TFDP2: variants seen among roughly 807,000 people sequenced by gnomAD.
TFDP2 encodes transcription factor Dp-2 (E2F dimerization partner 2).
TFDP2 carries 17 observed loss-of-function variants against 59.3 expected under a neutral mutation model. That is an observed-to-expected ratio of 0.29 (90% CI 0.20 to 0.43). The LOEUF (loss-of-function observed/expected upper bound fraction) is 0.43, where lower values mean the gene tolerates loss of function less well. TFDP2 is among the 20% of genes least tolerant of loss of function. The pLI is 1.00. For missense variants in TFDP2, 391 were observed against 528.8 expected (o/e 0.74, Z 2.56); for synonymous variants, 180 against 194.7 (o/e 0.92, Z 0.63).
chr3:142,149,009 C>G (rs2063285693), intron 1 of TFDP2, among the ~76,000 whole-genome samples, 174 bp downstream of exon 1: 1 of 152,200 alleles, frequency 6.6e-6, no homozygotes, highest in African/African-American at 2.4e-5. Context: ...CGACTCTGGC[C>G]CAGACACTCA....
intron 3 of TFDP2, among the ~76,000 whole-genome samples, chr3:142,070,158 C>T (rs2060198635): frequency 2.0e-5 from 3 of 152,196 alleles, no homozygotes; most frequent in Non-Finnish European, 2.9e-5. Flanking sequence ...CTGCCCATCT[C>T]GGCCTCCCAA....
Position 142,132,706 on chromosome 3 carries a change from C to T in TFDP2, c.-93+16477G>A, listed in dbSNP as rs1024668506. 2.2e-4 allele frequency among the ~76,000 whole-genome samples: 32 copies of T among 144,550 alleles called. 6 individuals carry two copies. Among genetic ancestry groups the T allele is most frequent in the African/African-American group, 8.7e-4 (32 of 36,646 alleles). 94.8% of individuals were successfully genotyped at this position (144,550 alleles called of 152,430 possible). On this transcript the variant is annotated intron_variant, in intron 1 of 12. Transcript: ENST00000489671. Reference sequence around the variant, plus strand: ...GTTGCAGTGAGCCAAGATCACACCACTGCACTTCAGCCTGGGCAACAGATT... The same window carrying T: ...GTTGCAGTGAGCCAAGATCACACCATTGCACTTCAGCCTGGGCAACAGATT...
intron 1 of TFDP2, among the ~76,000 whole-genome samples, chr3:142,109,435 C>T (rs1034650780): frequency 2.0e-5 from 3 of 149,700 alleles, no homozygotes; most frequent in African/African-American, 7.6e-5. Flanking sequence ...TTCAAGCGAT[C>T]CTCCTGCCTC....
intron 1 of TFDP2, among the ~76,000 whole-genome samples, chr3:142,117,348 C>T (rs947838278): frequency 6.6e-6 from 1 of 151,692 alleles, no homozygotes. Flanking sequence ...CACAAAGGAT[C>T]TAGGCCATCA....
intron 7 of TFDP2, among the ~76,000 whole-genome samples, chr3:141,974,450 T>C (rs1419965258): frequency 6.6e-6 from 1 of 152,170 alleles, no homozygotes; most frequent in Non-Finnish European, 1.5e-5. Context: ...CCTGCAGATC[T>C]ACACTGAAAT....
intron 4 of TFDP2, among the ~76,000 whole-genome samples, chr3:142,003,328 C>T (rs1464997885): frequency 1.3e-5 from 2 of 151,920 alleles, no homozygotes; most frequent in Non-Finnish European, 2.9e-5. Context: ...AGATGGGTTT[C>T]ACCATGTTGA....
chr3:142,048,133 A>T lies in TFDP2; in HGVS notation c.83-42589T>A, dbSNP rs138187984. ...TAGCATAAAGAGGTGCTCTGAGATT[A>T]GCTGGGTGTGGTGGCTCACACCTGT... On this transcript the variant is annotated intron_variant, in intron 3 of 12. Coordinates refer to ENST00000489671, the MANE Select transcript of TFDP2 (RefSeq NM_001178139.2). Among the ~76,000 whole-genome samples the T allele has an allele frequency of 1.2e-4, 19 of 152,246 alleles. No individual in the cohort carries two copies. The East Asian group carries it at 3.7e-3, about 29-fold the overall frequency.
chr3:142,042,762 C>T (rs1231327515), intron 3 of TFDP2, among the ~76,000 whole-genome samples: 2 of 86,652 alleles, frequency 2.3e-5, no homozygotes, highest in Admixed American at 1.4e-4. Context: ...TTTTTTGAGA[C>T]GGAGTTTCGC....
At chr3:142,009,666 C>T (rs1282274319) in intron 3 of TFDP2, among the ~76,000 whole-genome samples, 12 of 149,694 alleles carry the variant, frequency 8.0e-5, no homozygotes, top group Admixed American at 1.3e-4. Context: ...GCCAAGATAG[C>T]GCCACTGCAC....
At chr3:142,089,965 T>C (rs1254121591) in intron 3 of TFDP2, among the ~76,000 whole-genome samples, 1 of 152,176 alleles carries the variant, frequency 6.6e-6, no homozygotes, top group Non-Finnish European at 1.5e-5. Context: ...ATATCATTGC[T>C]ACATCATCAT....
Position 141,949,739 on chromosome 3 carries a change from CTG to C in TFDP2, c.*2772_*2773del, listed in dbSNP as rs1464999833. ...TGCCAGCAGCCCTGGGAGGAGTGAT[CTG>C]TGTGTGGCAAGTAACCCAGCGTGCC... On this transcript the variant is annotated 3_prime_UTR_variant, in exon 13 of 13. Coordinates refer to ENST00000489671, the MANE Select transcript of TFDP2 (RefSeq NM_001178139.2). The C allele has an allele frequency of 1.3e-5, 2 of 151,002 alleles. No homozygotes were observed. The highest frequency in any genetic ancestry group is 4.2e-4 in the South Asian group (2 of 4,774). 9.4% of individuals were successfully genotyped at this position (151,002 alleles called of 1,614,324 possible).
Position 142,149,467 on chromosome 3 carries a change from T to G in TFDP2, c.-377A>C. On this transcript the variant is annotated 5_prime_UTR_variant, in exon 1 of 13. Transcript: ENST00000489671. ...GCGCCGCAGCCGAGATCGCTACCGA[T>G]TTCGTCCGCCCTCTCCCTGCCCAGC... 2 of 367,458 alleles carry G rather than the reference T, an allele frequency of 5.4e-6. No individual in the cohort carries two copies. The highest frequency in any genetic ancestry group is 4.8e-6 in the Non-Finnish European group (1 of 206,740). 22.8% of individuals were successfully genotyped at this position (367,458 alleles called of 1,614,324 possible). A position where few individuals can be genotyped will look rare whatever the true frequency, so the allele number is the denominator to read the frequency against.
At chr3:142,077,645 G>A (rs1402518662) in intron 3 of TFDP2, among the ~76,000 whole-genome samples, 2 of 152,076 alleles carry the variant, frequency 1.3e-5, no homozygotes, top group Non-Finnish European at 2.9e-5. Flanking sequence ...GCTGACTAAA[G>A]AGCTCTTGGG....
In TFDP2 at chr3:141,950,630, G is replaced by A. The variant is rs752333030; in HGVS notation, c.*1883C>T. On this transcript the variant is annotated 3_prime_UTR_variant, in exon 13 of 13. Coordinates refer to ENST00000489671, the MANE Select transcript of TFDP2 (RefSeq NM_001178139.2). ...GAAGACTACAAAGGTAGCAGTGGCT[G>A]TTGGCCTCTCCAGGTCCCTGCTGGG... is the stretch of plus-strand genomic sequence containing the variant. 1 of 152,668 alleles carries A rather than the reference G, an allele frequency of 6.6e-6. No individual in the cohort carries two copies. 9.5% of individuals were successfully genotyped at this position (152,668 alleles called of 1,614,324 possible). A position where few individuals can be genotyped will look rare whatever the true frequency, so the allele number is the denominator to read the frequency against.
chr3:142,067,788 A>G (rs1359453415), intron 3 of TFDP2, among the ~76,000 whole-genome samples: 3 of 152,126 alleles, frequency 2.0e-5, no homozygotes, highest in African/African-American at 7.2e-5. Context: ...AGATAGCTTG[A>G]GCCTAGGAGT....
intron 2 of TFDP2, among the ~76,000 whole-genome samples, chr3:142,098,847 CT>C (rs879906561): frequency 6.6e-6 from 1 of 152,208 alleles, no homozygotes; most frequent in Admixed American, 6.5e-5. Flanking sequence ...AGACAGACCC[CT>C]GACATCATCG....
At chr3:141,989,924 C>T (rs907703907) in intron 6 of TFDP2, among the ~76,000 whole-genome samples, 3 of 149,562 alleles carry the variant, frequency 2.0e-5, no homozygotes, top group African/African-American at 4.9e-5. Context: ...GACAGAGTCT[C>T]CCTCGGTCAC....
intron 3 of TFDP2, among the ~76,000 whole-genome samples, chr3:142,048,820 C>A (rs183819909): frequency 1.3e-5 from 2 of 152,294 alleles, no homozygotes; most frequent in East Asian, 3.9e-4. Flanking sequence ...CTTGCCTCAG[C>A]CTCCCAAAGT....
intron 1 of TFDP2, among the ~76,000 whole-genome samples, chr3:142,102,791 T>C (rs1032618035): frequency 1.3e-5 from 2 of 152,180 alleles, no homozygotes; most frequent in Admixed American, 6.5e-5. Context: ...TGAGGTACGT[T>C]TGCCCAATAT....
Sources: gnomAD v4.1 joint callset for allele counts (sites outside exome capture counted in the v4.1 genomes callset) on GRCh38, gnomAD v4.1.1 for gene constraint, MANE v1.5 for transcripts, NCBI Gene and HGNC (gene_info 2026-07-23, HGNC 2026-07-21) for gene names.